The following GPHN variants were observed in gnomAD, a reference collection of about 807,000 sequenced individuals.
GPHN encodes the protein gephyrin.
A neutral mutation model predicts 95.5 loss-of-function variants in GPHN; 17 were observed. The observed-to-expected ratio is 0.18, with a 90% confidence interval of 0.12 to 0.27. The LOEUF (loss-of-function observed/expected upper bound fraction) is 0.27, where lower values mean the gene tolerates loss of function less well. Ranked by LOEUF, GPHN falls within the 10% of genes least tolerant of loss-of-function variation. The pLI is 1.00. For missense variants in GPHN, 660 were observed against 978.1 expected (o/e 0.67, Z 4.34); for synonymous variants, 320 against 322.5 (o/e 0.99, Z 0.08).
the GPHN span, among the ~76,000 whole-genome samples, chr14:67,483,802 G>A: frequency 0.017 from 2,613 of 152,344 alleles, 27 homozygotes; most frequent in Non-Finnish European, 0.019. Context: ...CCAGCCAAGA[G>A]CAGGGGCCAG....
chr14:67,463,895 A>C, the GPHN span, among the ~76,000 whole-genome samples: 1 of 151,972 alleles, frequency 6.6e-6, no homozygotes, highest in Non-Finnish European at 1.5e-5. Context: ...CTGAGTCAAT[A>C]CCTCTGCTAC....
intron 2 of GPHN, among the ~76,000 whole-genome samples, chr14:66,768,556 G>T (rs1014676204): frequency 1.3e-5 from 2 of 151,910 alleles, no homozygotes; most frequent in African/African-American, 2.4e-5. Context: ...ATGATAAAAG[G>T]ATCAATCCAT....
the GPHN span, among the ~76,000 whole-genome samples, chr14:67,442,475 C>CGA: frequency 6.6e-6 from 1 of 152,104 alleles, no homozygotes; most frequent in East Asian, 1.9e-4. Context: ...GCAGAGTGAA[C>CGA]GAGAAGCAGG....
intron 4 of GPHN, among the ~76,000 whole-genome samples, chr14:66,827,829 A>G (rs2061437989): frequency 6.6e-6 from 1 of 152,124 alleles, no homozygotes; most frequent in South Asian, 2.1e-4. Context: ...CTATTCTAGT[A>G]TCTAGGTTTT....
chr14:66,668,175 C>T (rs189714696), intron 1 of GPHN, among the ~76,000 whole-genome samples: 17 of 152,310 alleles, frequency 1.1e-4, no homozygotes, highest in Middle Eastern at 6.8e-3. Context: ...GGCTTATACA[C>T]TCTTGGTAGG....
the GPHN span, among the ~76,000 whole-genome samples, chr14:67,605,619 A>T: frequency 1.3e-5 from 2 of 152,134 alleles, no homozygotes; most frequent in Non-Finnish European, 2.9e-5. Context: ...CCACCTAAGT[A>T]TTTCCTCTTT....
At chr14:67,426,242 G>T in the GPHN span, among the ~76,000 whole-genome samples, 1 of 152,142 alleles carries the variant, frequency 6.6e-6, no homozygotes, top group Admixed American at 6.5e-5. Flanking sequence ...GGAGACTATT[G>T]TGTGGTCCGA....
intron 12 of GPHN, among the ~76,000 whole-genome samples, chr14:67,090,883 C>T (rs1208499817): frequency 6.6e-6 from 1 of 151,612 alleles, no homozygotes; most frequent in Non-Finnish European, 1.5e-5. Context: ...ATACTTACCC[C>T]AGCAGGTTGT....
intron 4 of GPHN, among the ~76,000 whole-genome samples, chr14:66,859,526 C>T (rs543277249): frequency 3.9e-5 from 6 of 152,270 alleles, no homozygotes; most frequent in Admixed American, 2.0e-4. Flanking sequence ...GCCCAGATTG[C>T]GAAAGCTAAT....
At chr14:67,220,102 G>A in the GPHN span, among the ~76,000 whole-genome samples, 1 of 152,106 alleles carries the variant, frequency 6.6e-6, no homozygotes, top group Non-Finnish European at 1.5e-5. Flanking sequence ...CAAAACCATG[G>A]ATTTCAGTGA....
chr14:67,731,308 G>A, the GPHN span, among the ~76,000 whole-genome samples: 1 of 148,668 alleles, frequency 6.7e-6, no homozygotes, highest in African/African-American at 2.5e-5. Context: ...TCCACCTCCT[G>A]GGTTCAAGGG....
chr14:67,234,543 G>A, the GPHN span, among the ~76,000 whole-genome samples: 1 of 152,070 alleles, frequency 6.6e-6, no homozygotes, highest in Non-Finnish European at 1.5e-5. Flanking sequence ...AGACATTAGA[G>A]TTCCACTCTT....
chr14:66,557,220 G>A (rs2060036203), intron 1 of GPHN, among the ~76,000 whole-genome samples: 1 of 144,712 alleles, frequency 6.9e-6, no homozygotes, highest in South Asian at 2.3e-4. Context: ...TAGATAGATA[G>A]ATAGATACAT....
At chr14:67,560,831 A>G in the GPHN span, among the ~76,000 whole-genome samples, 2 of 151,580 alleles carry the variant, frequency 1.3e-5, no homozygotes, top group African/African-American at 4.9e-5. Flanking sequence ...CCTGGGTTCA[A>G]GCAATTCTCC....
the GPHN span, chr14:67,561,924 TC>T: frequency 6.7e-7 from 1 of 1,481,822 alleles, no homozygotes; most frequent in South Asian, 1.1e-5. Context: ...AGGCTGGGTG[TC>T]CTAAATCTTC....
At chr14:67,694,765 G>T in the GPHN span, among the ~76,000 whole-genome samples, 1 of 152,096 alleles carries the variant, frequency 6.6e-6, no homozygotes, top group Non-Finnish European at 1.5e-5. Context: ...ATAAAAGAAG[G>T]AAAGTAGGTG....
intron 2 of GPHN, among the ~76,000 whole-genome samples, chr14:66,691,475 A>C (rs1205382736): frequency 1.3e-5 from 2 of 152,156 alleles, no homozygotes; most frequent in East Asian, 3.9e-4. Context: ...GAGCCACTGC[A>C]CCTGACCCAT....
In GPHN at chr14:66,883,330, T is replaced by C. The variant is rs1308099670; in HGVS notation, c.389+3297T>C. 3.3e-5 allele frequency among the ~76,000 whole-genome samples: 5 copies of C among 152,160 alleles called. No homozygotes were observed. The East Asian group carries it at 9.6e-4, about 29-fold the overall frequency. Reference sequence around the variant, plus strand: ...TATCTAGTGGTTTTTATTTCAGATATATTTTCAGTTCTAAATTCTCCATTT... The same window carrying C: ...TATCTAGTGGTTTTTATTTCAGATACATTTTCAGTTCTAAATTCTCCATTT... On this transcript the variant is annotated intron_variant, in intron 5 of 22. Transcript: ENST00000478722.
chr14:67,013,897 C>T (rs1197713843), intron 9 of GPHN, among the ~76,000 whole-genome samples: 1 of 151,898 alleles, frequency 6.6e-6, no homozygotes, highest in Non-Finnish European at 1.5e-5. Flanking sequence ...ACGAATGTGA[C>T]TTTCTTCCAG....
Sources: allele counts gnomAD v4.1 joint callset (sites outside exome capture counted in the v4.1 genomes callset), GRCh38; gene constraint gnomAD v4.1.1; transcripts MANE v1.5; gene names NCBI Gene and HGNC (gene_info 2026-07-23, HGNC 2026-07-21).